CSMD1: variants seen among roughly 807,000 people sequenced by gnomAD.
CSMD1 encodes the protein CUB and sushi domain-containing protein 1.
In CSMD1, 213 loss-of-function variants were observed where a neutral mutation model predicts 417.5. The observed-to-expected ratio is 0.51, with a 90% CI of 0.46 to 0.57. CSMD1 has a LOEUF of 0.57. Ranked by LOEUF, CSMD1 falls within the 20% of genes least tolerant of loss-of-function variation. The pLI is 0.00. For missense variants in CSMD1, 6,923 were observed against 4,529.7 expected (o/e 1.53, Z -15.17); for synonymous variants, 2,862 against 1,736.8 (o/e 1.65, Z -16.11).
chr8:3,290,168 T>G (rs1393133862), intron 25 of CSMD1, among the ~76,000 whole-genome samples: 2 of 146,982 alleles, frequency 1.4e-5, no homozygotes, highest in African/African-American at 2.7e-5. Context: ...AGGGCTCTGT[T>G]CTGTTCCATT....
At chr8:3,758,732 C>A (rs1045105695) in intron 5 of CSMD1, among the ~76,000 whole-genome samples, 2 of 152,106 alleles carry the variant, frequency 1.3e-5, no homozygotes, top group Admixed American at 1.3e-4. Flanking sequence ...ACAGACAGAT[C>A]CCCAAGCCCC....
intron 1 of CSMD1, among the ~76,000 whole-genome samples, chr8:4,681,337 T>G (rs936201989): frequency 1.3e-5 from 2 of 152,168 alleles, no homozygotes; most frequent in Non-Finnish European, 2.9e-5. Flanking sequence ...ATATAAGTGG[T>G]GTTGAAACCA....
chr8:4,016,535 G>A (rs905638487), intron 4 of CSMD1, among the ~76,000 whole-genome samples: 2 of 152,134 alleles, frequency 1.3e-5, no homozygotes, highest in African/African-American at 2.4e-5. Context: ...CTGGGGCTAT[G>A]AGAAGGAAAG....
intron 23 of CSMD1, among the ~76,000 whole-genome samples, chr8:3,337,655 A>G (rs1295989178): frequency 6.6e-6 from 1 of 152,152 alleles, no homozygotes; most frequent in Non-Finnish European, 1.5e-5. Flanking sequence ...AAGCTCAACC[A>G]TCTCAAAATG....
chr8:4,911,062 C>T (rs1410502481), intron 1 of CSMD1, among the ~76,000 whole-genome samples: 2 of 152,194 alleles, frequency 1.3e-5, no homozygotes, highest in African/African-American at 2.4e-5. Context: ...CTCCTCCTTG[C>T]CTTCCACCAC....
At chr8:3,524,128 CAT>C (rs1797647884) in intron 10 of CSMD1, among the ~76,000 whole-genome samples, 1 of 150,338 alleles carries the variant, frequency 6.7e-6, no homozygotes, top group South Asian at 2.1e-4. Context: ...TGTGCACATA[CAT>C]ACACACACAC....
chr8:3,599,722 G>A (rs759387012), intron 8 of CSMD1, among the ~76,000 whole-genome samples: 5 of 152,132 alleles, frequency 3.3e-5, no homozygotes, highest in Non-Finnish European at 4.4e-5. Context: ...CCAGATTGGC[G>A]CCAACCTATA....
At chr8:3,235,298 C>T (rs1156924274) in intron 26 of CSMD1, among the ~76,000 whole-genome samples, 2 of 152,060 alleles carry the variant, frequency 1.3e-5, no homozygotes, top group Admixed American at 6.5e-5. Context: ...TTTCTCATTC[C>T]CATATTTTTA....
chr8:3,219,525 G>T, intron 28 of CSMD1, 83 bp from the exon 29 acceptor site: 2 of 983,012 alleles, frequency 2.0e-6, no homozygotes, highest in Non-Finnish European at 2.8e-6. Flanking sequence ...CTCAGAAAGT[G>T]ATTTTATTTG....
At chr8:4,056,622 G>A (rs139725731) in intron 3 of CSMD1, among the ~76,000 whole-genome samples, 5,767 of 151,492 alleles carry the variant, frequency 0.038, 346 homozygotes, top group African/African-American at 0.12. Flanking sequence ...GCCATGCTGG[G>A]GTCCTGCACC....
At chr8:4,251,029 T>C (rs1372659904) in intron 3 of CSMD1, among the ~76,000 whole-genome samples, 1 of 152,180 alleles carries the variant, frequency 6.6e-6, no homozygotes, top group South Asian at 2.1e-4. Context: ...TATTTTTAGA[T>C]ACTGGACACA....
intron 5 of CSMD1, among the ~76,000 whole-genome samples, chr8:3,756,183 C>A (rs1330912443): frequency 1.3e-5 from 2 of 151,734 alleles, no homozygotes; most frequent in Admixed American, 6.6e-5. Flanking sequence ...AAAACCCTGC[C>A]TCTACTAAAA....
chr8:4,925,083 G>C (rs1397621579), intron 1 of CSMD1, among the ~76,000 whole-genome samples: 2 of 152,114 alleles, frequency 1.3e-5, no homozygotes, highest in Admixed American at 6.5e-5. Context: ...AAGCATATTT[G>C]AATATATTAT....
chr8:4,367,520 C>G (rs184299405), intron 3 of CSMD1, among the ~76,000 whole-genome samples: 1 of 152,202 alleles, frequency 6.6e-6, no homozygotes, highest in Admixed American at 6.5e-5. Context: ...TCCTTTTGCT[C>G]AGGACTGCTT....
At chr8:4,484,009 C>T (rs1449254826) in intron 2 of CSMD1, among the ~76,000 whole-genome samples, 1 of 152,128 alleles carries the variant, frequency 6.6e-6, no homozygotes, top group South Asian at 2.1e-4. Flanking sequence ...CATCCCATTG[C>T]CTGTTGGATG....
rs34950037 is a variant in CSMD1 at position 4,848,542 on chromosome 8, CT to C, written c.85+145789del. On this transcript the variant is annotated intron_variant, in intron 1 of 69. Transcript: ENST00000635120. ...ATAAAATGATGTATAGTACATAATG[CT>C]TTTTTTTTTTTTTGAGACGGAGTCT... Among the ~76,000 whole-genome samples, 523 of 144,390 alleles carry C rather than the reference CT, an allele frequency of 3.6e-3. 1 individual carries two copies. The highest frequency in any genetic ancestry group is 7.1e-3 in the Middle Eastern group (2 of 280). 94.7% of individuals were successfully genotyped at this position (144,390 alleles called of 152,430 possible).
intron 15 of CSMD1, among the ~76,000 whole-genome samples, chr8:3,404,872 T>C (rs919382682): frequency 4.6e-5 from 7 of 152,214 alleles, no homozygotes; most frequent in African/African-American, 1.7e-4. Context: ...ATTTATCTAA[T>C]CAGTCCTCTG....
chr8:3,849,673 G>C (rs933168588), intron 5 of CSMD1, among the ~76,000 whole-genome samples: 4 of 152,142 alleles, frequency 2.6e-5, no homozygotes, highest in Non-Finnish European at 5.9e-5. Context: ...GTCGATTTTA[G>C]TGATGTTGTC....
At chr8:3,249,864 G>A (rs924250383) in intron 26 of CSMD1, among the ~76,000 whole-genome samples, 3 of 152,076 alleles carry the variant, frequency 2.0e-5, no homozygotes, top group African/African-American at 7.2e-5. Context: ...GTGTTTCTAT[G>A]AAATGTTTAG....
Sources: allele counts gnomAD v4.1 joint callset (sites outside exome capture counted in the v4.1 genomes callset), GRCh38; gene constraint gnomAD v4.1.1; transcripts MANE v1.5; gene names NCBI Gene and HGNC (gene_info 2026-07-23, HGNC 2026-07-21).